The following ZBTB25 variants were observed in gnomAD, a reference collection of about 807,000 sequenced individuals.
ZBTB25 encodes zinc finger and BTB domain containing 25.
In ZBTB25, 20 loss-of-function variants were observed where a neutral mutation model predicts 34.2. The observed-to-expected ratio is 0.58, with a 90% CI of 0.41 to 0.85. The LOEUF is 0.85. Among genes scored for constraint, ZBTB25 ranks in the 40% least tolerant of loss-of-function variants. ZBTB25 has a pLI of 0.00. For missense variants in ZBTB25, 437 were observed against 521.8 expected (o/e 0.84, Z 1.58); for synonymous variants, 175 against 186.4 (o/e 0.94, Z 0.50).
At chr14:64,503,510 C>A in intron 1 of ZBTB25, 151 bp downstream of exon 1, 1 of 985,422 alleles carries the variant, frequency 1.0e-6, no homozygotes, top group African/African-American at 1.7e-5. Context: ...TGTGCCCTGC[C>A]TGACATCTCA....
upstream of ZBTB25, chr14:64,504,511 T>G (rs1387808207): frequency 1.2e-5 from 2 of 166,174 alleles, no homozygotes; most frequent in Non-Finnish European, 2.6e-5. Context: ...AGAGGGGTGG[T>G]CAAGCCGCCG....
At chr14:64,464,014 C>A (rs2078584677) in intron 2 of ZBTB25, among the ~76,000 whole-genome samples, 1 of 152,018 alleles carries the variant, frequency 6.6e-6, no homozygotes, top group South Asian at 2.1e-4. Context: ...GACGTGTTTG[C>A]TGAGTGAACA....
chr14:64,451,462 AACATTG>A (rs1368631247), intron 2 of ZBTB25, among the ~76,000 whole-genome samples: 4 of 152,272 alleles, frequency 2.6e-5, no homozygotes, highest in Non-Finnish European at 5.9e-5. Flanking sequence ...ACAGTTAATT[AACATTG>A]ACATTGACAT....
At position 64,487,406 on chromosome 14, in the gene ZBTB25, T is replaced by C; in HGVS notation, c.825A>G (p.Glu275=). The C allele has an allele frequency of 5.6e-6, 9 of 1,614,178 alleles. No individual in the cohort carries two copies. The highest frequency in any genetic ancestry group is 7.6e-6 in the Non-Finnish European group (9 of 1,180,030). The change falls in exon 3 of 3, where the codon GAA becomes GAG. Residue 275 remains glutamate (E), a synonymous_variant. Coordinates refer to ENST00000608382, the MANE Select transcript of ZBTB25 (RefSeq NM_006977.5). The part of the protein sequence containing the change: ...LPFGVPASIL[E]SNDLGEVHPL... ...GATGCACTTCACCAAGGTCATTACT[T>C]TCCAGAATGGAAGCAGGGACACCGA...
Position 64,502,584 on chromosome 14 carries a change from C to T in ZBTB25, c.-8+1077G>A, listed in dbSNP as rs1250954810. On this transcript the variant is annotated intron_variant, in intron 1 of 2. Coordinates refer to ENST00000608382, the MANE Select transcript of ZBTB25 (RefSeq NM_006977.5). ...GGCGGCCTACCTCACCTAGAAATACCATCAAACCCACACAGTGGCCATGCC... is the reference window on the plus strand; with the variant it reads ...GGCGGCCTACCTCACCTAGAAATACTATCAAACCCACACAGTGGCCATGCC... 1.7e-5 allele frequency: 16 copies of T among 968,200 alleles called. No homozygotes were observed. The Admixed American group carries it at 9.9e-4, about 60-fold the overall frequency. 60.0% of individuals were successfully genotyped at this position (968,200 alleles called of 1,614,324 possible). A position where few individuals can be genotyped will look rare whatever the true frequency, so the allele number is the denominator to read the frequency against.
chr14:64,476,581 A>G (rs932771644), downstream of ZBTB25, among the ~76,000 whole-genome samples: 1 of 152,206 alleles, frequency 6.6e-6, no homozygotes, highest in Non-Finnish European at 1.5e-5. Context: ...TCAGCCTCCC[A>G]AAGTGCTGGG....
At chr14:64,504,459 C>CAGG (rs1048713952), upstream of ZBTB25, 13 of 154,726 alleles carry the variant, frequency 8.4e-5, no homozygotes, top group Admixed American at 5.9e-4. Flanking sequence ...GCTGTGCAAA[C>CAGG]AGGAGGAGGA....
At position 64,449,479 on chromosome 14, in the gene ZBTB25, C is replaced by T. The variant is rs372827157; in HGVS notation, c.*72G>A. 19 of 1,613,942 alleles carry T rather than the reference C, an allele frequency of 1.2e-5. No homozygotes were observed. The highest frequency in any genetic ancestry group is 5.0e-5 in the Admixed American group (3 of 60,022). ...AGAGTCTGAGCTGGACCTCATCAGC[C>T]GCCTTTCCAGAGAACATGGGGCTTT... On this transcript the variant is annotated 3_prime_UTR_variant, in exon 3 of 3. Transcript: ENST00000555220.
chr14:64,486,805 G>A lies in ZBTB25; in HGVS notation c.*118C>T, dbSNP rs545649069. On this transcript the variant is annotated 3_prime_UTR_variant, in exon 3 of 3. Transcript: ENST00000608382. ...TAATATATACAACCTTAAAACCATG[G>A]ATAAGCTGTGAAGAAAAAAAGTCAA... The A allele has an allele frequency of 6.9e-7, 1 of 1,439,884 alleles. No homozygotes were observed. The highest frequency in any genetic ancestry group is 2.9e-5 in the Admixed American group (1 of 34,368). 89.2% of individuals were successfully genotyped at this position (1,439,884 alleles called of 1,614,324 possible).
chr14:64,499,124 C>A (rs10142879), intron 1 of ZBTB25, among the ~76,000 whole-genome samples: 1 of 151,980 alleles, frequency 6.6e-6, no homozygotes, highest in Non-Finnish European at 1.5e-5. Context: ...TTAGTTCAAA[C>A]TAAGTAAGAT....
At chr14:64,467,046 G>A (rs1242585199) in intron 2 of ZBTB25, 3 of 152,172 alleles carry the variant, frequency 2.0e-5, no homozygotes, top group Admixed American at 6.5e-5. Context: ...CAGTCTACTC[G>A]TGGTTCAATT....
At chr14:64,498,926 G>A (rs971397453) in intron 1 of ZBTB25, among the ~76,000 whole-genome samples, 23 of 152,184 alleles carry the variant, frequency 1.5e-4, no homozygotes, top group Middle Eastern at 3.4e-3. Flanking sequence ...GAGCCACCGC[G>A]CCCAGCCCAG....
chr14:64,486,976 C>T lies in ZBTB25; in HGVS notation c.1255G>A (p.Ala419Thr). ...LSQEHLDLPCALESELTQENV... is the reference protein window; with the variant it reads ...LSQEHLDLPCTLESELTQENV... ...TCTTGTGTGAGCTCTGACTCTAAGG[C>T]ACAAGGCAAGTCTAAGTGTTCTTGT... The change falls in exon 3 of 3, where the codon GCC becomes ACC. Residue 419 changes from alanine (A) to threonine (T), a missense_variant. Coordinates refer to ENST00000608382, the MANE Select transcript of ZBTB25 (RefSeq NM_006977.5). The T allele has an allele frequency of 6.2e-7, 1 of 1,614,134 alleles. No individual in the cohort carries two copies. Among genetic ancestry groups the T allele is most frequent in the Non-Finnish European group, 8.5e-7 (1 of 1,180,028 alleles).
In ZBTB25 at chr14:64,490,537, G is replaced by A; in HGVS notation, c.-4C>T. ...GGCTATGGCTGGCAGTGTCCATTGT[G>A]GTTCTGAAAAAAAGGACAAGATAAA... is the stretch of plus-strand genomic sequence containing the variant. On this transcript the variant is annotated 5_prime_UTR_variant, in exon 2 of 3. Coordinates refer to ENST00000608382, the MANE Select transcript of ZBTB25 (RefSeq NM_006977.5). 1.9e-6 allele frequency: 3 copies of A among 1,603,476 alleles called. No individual in the cohort carries two copies. Among genetic ancestry groups the A allele is most frequent in the Non-Finnish European group, 2.6e-6 (3 of 1,175,256 alleles).
At chr14:64,467,040 C>G (rs917734138) in intron 2 of ZBTB25, 4 of 152,164 alleles carry the variant, frequency 2.6e-5, no homozygotes, top group African/African-American at 9.7e-5. Flanking sequence ...AGAACTCAGT[C>G]TACTCGTGGT....
downstream of ZBTB25, chr14:64,478,019 T>G (rs886341479): frequency 4.6e-5 from 7 of 152,244 alleles, no homozygotes; most frequent in African/African-American, 1.2e-4. Flanking sequence ...TGTCATTCCT[T>G]CAGACGTTTG....
downstream of ZBTB25, among the ~76,000 whole-genome samples, chr14:64,476,735 TA>T (rs148010898): frequency 1.3e-4 from 20 of 149,736 alleles, no homozygotes; most frequent in African/African-American, 3.9e-4. Context: ...TCAATTCAGG[TA>T]AAAAAAAAAG....
intron 1 of ZBTB25, among the ~76,000 whole-genome samples, chr14:64,495,065 G>A (rs929921833): frequency 3.3e-5 from 5 of 152,162 alleles, no homozygotes; most frequent in Non-Finnish European, 5.9e-5. Context: ...TATAATAGCT[G>A]CTGCTTTAAA....
Position 64,486,723 on chromosome 14 carries a change from T to G in ZBTB25, c.*200A>C. 8.1e-7 allele frequency: 1 copy of G among 1,239,826 alleles called. No individual in the cohort carries two copies. Among genetic ancestry groups the G allele is most frequent in the Non-Finnish European group, 1.0e-6 (1 of 985,622 alleles). The allele number at this position is 1,239,826 out of a possible 1,614,324, so 76.8% of individuals were successfully genotyped here. A position where few individuals can be genotyped will look rare whatever the true frequency, so the allele number is the denominator to read the frequency against. ...TATTTCGTTTGTGAAAAGTTCACAG[T>G]AGTAATTGAATGTTACATTTTAATA... On this transcript the variant is annotated 3_prime_UTR_variant, in exon 3 of 3. Transcript: ENST00000608382.
Sources: allele counts gnomAD v4.1 joint callset (sites outside exome capture counted in the v4.1 genomes callset), GRCh38; gene constraint gnomAD v4.1.1; transcripts MANE v1.5; gene names NCBI Gene and HGNC (gene_info 2026-07-23, HGNC 2026-07-21).